GRIA2: variants seen among roughly 807,000 people sequenced by gnomAD.
GRIA2 encodes glutamate ionotropic receptor AMPA type subunit 2, also known as glutamate receptor 2.
Under a neutral mutation model 97.3 loss-of-function variants are expected in GRIA2, and 14 were observed. The ratio of observed to expected loss-of-function variants is 0.14; its 90% CI spans 0.10 to 0.23. The LOEUF (loss-of-function observed/expected upper bound fraction) is 0.23, where lower values mean the gene tolerates loss of function less well. GRIA2 is among the 10% of genes least tolerant of loss of function. The probability of loss-of-function intolerance (pLI) is 1.00; values close to 1 mark genes in which losing one functional copy is unlikely to be tolerated. For synonymous variants in GRIA2, 412 were observed against 387.8 expected (o/e 1.06, Z -0.73); for missense variants, 558 against 1,069.8 (o/e 0.52, Z 6.67).
intron 2 of GRIA2, among the ~76,000 whole-genome samples, chr4:157,260,476 A>T (rs1419613812): frequency 6.6e-6 from 1 of 152,030 alleles, no homozygotes; most frequent in Admixed American, 6.6e-5. Flanking sequence ...ATCAATGGTG[A>T]CTTAGCACCA....
chr4:157,240,096 A>C (rs572029781), intron 2 of GRIA2, among the ~76,000 whole-genome samples: 2 of 152,082 alleles, frequency 1.3e-5, no homozygotes, highest in Admixed American at 6.6e-5. Context: ...TTTCTTTATT[A>C]CTTACAATAG....
At position 157,312,822 on chromosome 4, in the gene GRIA2, C is replaced by A. The variant is rs200369612; in HGVS notation, c.613C>A (p.Arg205=). The part of the protein sequence containing the change: ...LFQDLELKKE[R]RVILDCERDK... ...TCAAGATCTGGAGTTAAAAAAGGAA[C>A]GGCGTGTAATTCTGGACTGTGAAAG... The change falls in exon 4 of 16, where the codon CGG becomes AGG. Residue 205 remains arginine (R), a synonymous_variant. Coordinates refer to ENST00000264426, the MANE Select transcript of GRIA2 (RefSeq NM_001083619.3). 4 of 1,611,232 alleles carry A rather than the reference C, an allele frequency of 2.5e-6. No individual in the cohort carries two copies. The Admixed American group carries it at 5.0e-5, about 20-fold the overall frequency.
At position 157,323,168 on chromosome 4, in the gene GRIA2, T is replaced by G. The variant is rs543941705; in HGVS notation, c.882+1569T>G. Among the ~76,000 whole-genome samples, 4 of 151,394 alleles carry G rather than the reference T, an allele frequency of 2.6e-5. No homozygotes were observed. The East Asian group carries it at 7.9e-4, about 30-fold the overall frequency. On this transcript the variant is annotated intron_variant, in intron 6 of 15. Transcript: ENST00000264426. ...GGATAACACGGTGAAACCCCGTCTCTACCAAAAATACAAAAAATTAGCCGG... is the reference window on the plus strand; with the variant it reads ...GGATAACACGGTGAAACCCCGTCTCGACCAAAAATACAAAAAATTAGCCGG...
Position 157,294,073 on chromosome 4 carries a change from C to G in GRIA2, c.230-9479C>G, listed in dbSNP as rs546143624. 3.9e-5 allele frequency among the ~76,000 whole-genome samples: 6 copies of G among 152,008 alleles called. No individual in the cohort carries two copies. The South Asian group carries it at 1.2e-3, about 31-fold the overall frequency. On this transcript the variant is annotated intron_variant, in intron 2 of 15. Transcript: ENST00000264426. ...GCGCAGGAACCCGCTTGCTTACCAACAAGTAAGAAGAGCAAGAAAGTTCTG... is the reference window on the plus strand; with the variant it reads ...GCGCAGGAACCCGCTTGCTTACCAAGAAGTAAGAAGAGCAAGAAAGTTCTG...
At chr4:157,339,240 CAT>C (rs985150814) in intron 11 of GRIA2, among the ~76,000 whole-genome samples, 1 of 151,824 alleles carries the variant, frequency 6.6e-6, no homozygotes, top group Non-Finnish European at 1.5e-5. Flanking sequence ...AATATAAAAA[CAT>C]ATATCATTTA....
intron 2 of GRIA2, among the ~76,000 whole-genome samples, chr4:157,240,204 T>C (rs993498478): frequency 2.0e-5 from 3 of 152,144 alleles, no homozygotes; most frequent in Admixed American, 6.6e-5. Context: ...TGCATAATAT[T>C]TTAATGAAAT....
At chr4:157,315,135 A>C (rs1344879588) in intron 4 of GRIA2, among the ~76,000 whole-genome samples, 1 of 152,206 alleles carries the variant, frequency 6.6e-6, no homozygotes, top group Admixed American at 6.5e-5. Context: ...TGAGTGTCTA[A>C]TGTTTGCCAG....
At chr4:157,352,528 C>T (rs2126975026) in intron 12 of GRIA2, among the ~76,000 whole-genome samples, 1 of 151,482 alleles carries the variant, frequency 6.6e-6, no homozygotes, top group Non-Finnish European at 1.5e-5. Flanking sequence ...GCAGCCTGGC[C>T]AACATGATGA....
chr4:157,278,613 T>TA (rs1337830940), intron 2 of GRIA2, among the ~76,000 whole-genome samples: 1 of 152,022 alleles, frequency 6.6e-6, no homozygotes, highest in African/African-American at 2.4e-5. Flanking sequence ...AAGAAATACT[T>TA]ACTGAGCTGG....
chr4:157,323,131 C>G (rs1427587439), intron 6 of GRIA2, among the ~76,000 whole-genome samples: 1 of 151,554 alleles, frequency 6.6e-6, no homozygotes, highest in African/African-American at 2.4e-5. Flanking sequence ...GTCAGGAGAT[C>G]GAGACCATCC....
At position 157,340,057 on chromosome 4, in the gene GRIA2, C is replaced by A. The variant is rs72962883; in HGVS notation, c.1845-1207C>A. Reference sequence around the variant, plus strand: ...CAACTGATGTTTTTATATCAAAAAACTTTTCATTTAAGTTAGCTTCTCTCC... The same window carrying A: ...CAACTGATGTTTTTATATCAAAAAAATTTTCATTTAAGTTAGCTTCTCTCC... On this transcript the variant is annotated intron_variant, in intron 11 of 15. Transcript: ENST00000264426. Among the ~76,000 whole-genome samples, 942 of 151,756 alleles carry A rather than the reference C, an allele frequency of 6.2e-3. 6 individuals are homozygous for A. The highest frequency in any genetic ancestry group is 0.022 in the African/African-American group (894 of 41,466).
intron 2 of GRIA2, among the ~76,000 whole-genome samples, chr4:157,251,407 A>G (rs1160151719): frequency 1.3e-5 from 2 of 152,082 alleles, no homozygotes; most frequent in Non-Finnish European, 2.9e-5. Context: ...CCCAACTGGC[A>G]TTTTATTTTA....
chr4:157,291,373 G>A (rs1203785118), intron 2 of GRIA2, among the ~76,000 whole-genome samples: 2 of 151,888 alleles, frequency 1.3e-5, no homozygotes, highest in African/African-American at 4.8e-5. Context: ...AATTGGCTAT[G>A]AATAATTATA....
chr4:157,231,823 AT>A (rs1332135426), intron 2 of GRIA2, among the ~76,000 whole-genome samples: 3 of 152,178 alleles, frequency 2.0e-5, no homozygotes, highest in African/African-American at 2.4e-5. Context: ...AGTTGAAGAT[AT>A]TTTTTAAAAA....
intron 2 of GRIA2, among the ~76,000 whole-genome samples, chr4:157,271,662 G>A (rs1176592067): frequency 6.6e-6 from 1 of 152,008 alleles, no homozygotes; most frequent in Non-Finnish European, 1.5e-5. Flanking sequence ...TAAACCACTG[G>A]TCATTGGTGA....
At chr4:157,260,653 C>A (rs1221217853) in intron 2 of GRIA2, among the ~76,000 whole-genome samples, 1 of 152,038 alleles carries the variant, frequency 6.6e-6, no homozygotes, top group Non-Finnish European at 1.5e-5. Context: ...AATATGTCAT[C>A]TTTACAAAAA....
At chr4:157,297,964 G>A (rs1433152650) in intron 2 of GRIA2, among the ~76,000 whole-genome samples, 2 of 152,106 alleles carry the variant, frequency 1.3e-5, no homozygotes, top group East Asian at 3.9e-4. Flanking sequence ...CTAGGGTGAT[G>A]ATGAAAGTTT....
intron 11 of GRIA2, among the ~76,000 whole-genome samples, chr4:157,338,556 C>A (rs1268339523): frequency 6.6e-6 from 1 of 152,108 alleles, no homozygotes; most frequent in East Asian, 1.9e-4. Context: ...TCCTTTTCAT[C>A]AAGGCTGCAT....
At chr4:157,363,273 C>A in intron 15 of GRIA2, 162 bp from the exon 16 acceptor site, 1 of 607,554 alleles carries the variant, frequency 1.6e-6, no homozygotes, top group Non-Finnish European at 2.6e-6. Flanking sequence ...CATAATTGTG[C>A]TTTATTATTT....
Sources: gnomAD v4.1 joint callset for allele counts (sites outside exome capture counted in the v4.1 genomes callset) on GRCh38, gnomAD v4.1.1 for gene constraint, MANE v1.5 for transcripts, NCBI Gene and HGNC (gene_info 2026-07-23, HGNC 2026-07-21) for gene names.